CFAP53: variants seen among roughly 807,000 people sequenced by gnomAD.
CFAP53 encodes cilia- and flagella-associated protein 53.
In CFAP53, 62 loss-of-function variants were observed where a neutral mutation model predicts 59.7. The ratio of observed to expected loss-of-function variants is 1.04; its 90% CI spans 0.85 to 1.28. CFAP53 has a LOEUF of 1.28. Ranked by LOEUF, CFAP53 falls within the 50% of genes most tolerant of loss-of-function variation. The probability of loss-of-function intolerance (pLI) is 0.00; values close to 1 mark genes in which losing one functional copy is unlikely to be tolerated. For missense variants in CFAP53, 629 were observed against 615.6 expected (o/e 1.02, Z -0.23); for synonymous variants, 218 against 205.7 (o/e 1.06, Z -0.51).
chr18:50,246,046 T>C (rs2033741002), intron 5 of CFAP53, among the ~76,000 whole-genome samples: 1 of 151,972 alleles, frequency 6.6e-6, no homozygotes, highest in African/African-American at 2.4e-5. Context: ...TGGGCCACCA[T>C]GCCTGGCTAA....
rs144778600 is a variant in CFAP53 at position 50,239,128 on chromosome 18, C to T, written c.1214-423G>A. Among the ~76,000 whole-genome samples, 848 of 150,792 alleles carry T rather than the reference C, an allele frequency of 5.6e-3. 9 individuals are homozygous for T. Among genetic ancestry groups the T allele is most frequent in the African/African-American group, 0.02 (814 of 41,234 alleles). On this transcript the variant is annotated intron_variant, in intron 6 of 7. Coordinates refer to ENST00000398545, the MANE Select transcript of CFAP53 (RefSeq NM_145020.5). ...CTTGGCTGGGCACAATGCCTCATGC[C>T]GGTAATCCCAGCATTTTGGGAGGCT...
rs368749163 is a variant in CFAP53 at position 50,227,518 on chromosome 18, G to C, written c.1408C>G (p.Arg470Gly). 1.2e-6 allele frequency: 2 copies of C among 1,614,016 alleles called. No individual in the cohort carries two copies. Among genetic ancestry groups the C allele is most frequent in the East Asian group, 4.5e-5 (2 of 44,890 alleles). ...GCTACACCTGCTTCAAACTCTCGGC[G>C]TTTCTCTTCCTTCTCTGCTTCTTGG... is the stretch of plus-strand genomic sequence containing the variant. ...QSQEAEKEEK[R>G]REFEAGVAAN... The change falls in exon 8 of 8, where the codon CGC (arginine) becomes GGC (glycine). Residue 470 changes from arginine to glycine, a missense_variant. Coordinates refer to ENST00000398545, the MANE Select transcript of CFAP53 (RefSeq NM_145020.5).
intron 3 of CFAP53, among the ~76,000 whole-genome samples, chr18:50,257,799 G>A (rs1208109076): frequency 6.6e-6 from 1 of 152,190 alleles, no homozygotes; most frequent in African/African-American, 2.4e-5. Context: ...GGAGGCCAAG[G>A]TGGGTGGATC....
intron 3 of CFAP53, among the ~76,000 whole-genome samples, chr18:50,257,303 T>C (rs557244454): frequency 1.3e-5 from 2 of 152,270 alleles, no homozygotes; most frequent in South Asian, 2.1e-4. Context: ...ATAATGGGCA[T>C]CCAAATTTCA....
Position 50,250,236 on chromosome 18 carries a change from AAGAGAG to A in CFAP53, c.996+516_996+521del, listed in dbSNP as rs1260861364. 5.9e-4 allele frequency among the ~76,000 whole-genome samples: 54 copies of A among 92,214 alleles called. 1 individual carries two copies. The highest frequency in any genetic ancestry group is 1.1e-3 in the South Asian group (3 of 2,702). The allele number at this position is 92,214 out of a possible 152,430, so 60.5% of individuals were successfully genotyped here. ...CCCTGTCTCAAAAAAAAAAAAAAAA[AAGAGAG>A]AGAGAGAGAGAAGTTTAATTAAAAA... On this transcript the variant is annotated intron_variant, in intron 5 of 7. Transcript: ENST00000398545.
chr18:50,247,995 C>T (rs933815052), intron 5 of CFAP53, among the ~76,000 whole-genome samples: 1 of 151,898 alleles, frequency 6.6e-6, no homozygotes, highest in African/African-American at 2.4e-5. Flanking sequence ...AAAAACTCAA[C>T]AGGAAAAAGA....
intron 7 of CFAP53, among the ~76,000 whole-genome samples, chr18:50,228,974 C>T (rs1202200943): frequency 6.6e-6 from 1 of 151,886 alleles, no homozygotes; most frequent in Non-Finnish European, 1.5e-5. Context: ...GTGGCATGTG[C>T]CTGTGGTCCC....
chr18:50,235,947 G>A (rs1430346908), intron 7 of CFAP53, among the ~76,000 whole-genome samples: 1 of 152,190 alleles, frequency 6.6e-6, no homozygotes, highest in Non-Finnish European at 1.5e-5. Context: ...TGCTCTGTTG[G>A]GGGAAATGTA....
At chr18:50,241,592 G>A (rs1269657439) in intron 6 of CFAP53, among the ~76,000 whole-genome samples, 1 of 152,104 alleles carries the variant, frequency 6.6e-6, no homozygotes, top group Non-Finnish European at 1.5e-5. Flanking sequence ...AGTACAAAGA[G>A]AGAAATTTTA....
In CFAP53 at chr18:50,251,766, G is replaced by A; in HGVS notation, c.492C>T (p.Leu164=). 1 of 1,613,736 alleles carries A rather than the reference G, an allele frequency of 6.2e-7. No homozygotes were observed. Among genetic ancestry groups the A allele is most frequent in the South Asian group, 1.1e-5 (1 of 91,038 alleles). Residue 164 remains leucine, a synonymous_variant, in exon 4 of 8, where the codon CTC becomes CTT. Transcript: ENST00000398545. ...GATGGATAGATAACAATTCAACACG[G>A]AGCTCCTCACAGCGTTCCCTGAAAG... ...DQQFRERCEE[L]RVELLSIHQK...
At chr18:50,239,760 T>G (rs2033670841) in intron 6 of CFAP53, among the ~76,000 whole-genome samples, 1 of 152,164 alleles carries the variant, frequency 6.6e-6, no homozygotes, top group Non-Finnish European at 1.5e-5. Context: ...TAAAACAGTA[T>G]ATACTACATG....
intron 5 of CFAP53, among the ~76,000 whole-genome samples, chr18:50,243,793 T>C (rs1029222451): frequency 2.6e-5 from 4 of 151,784 alleles, no homozygotes; most frequent in South Asian, 2.1e-4. Flanking sequence ...CTACTAAAAA[T>C]ACAAAAAAAT....
At chr18:50,249,500 A>T (rs143118435) in intron 5 of CFAP53, among the ~76,000 whole-genome samples, 1 of 151,918 alleles carries the variant, frequency 6.6e-6, no homozygotes, top group East Asian at 1.9e-4. Context: ...CCTGAGTGAC[A>T]GGGCAAGACT....
At chr18:50,233,696 A>G (rs2033603876) in intron 7 of CFAP53, among the ~76,000 whole-genome samples, 2 of 152,228 alleles carry the variant, frequency 1.3e-5, no homozygotes, top group Non-Finnish European at 2.9e-5. Context: ...GGAGCCAGGC[A>G]CTTACTCCTC....
chr18:50,266,489 G>C lies in CFAP53; in HGVS notation c.-85C>G, dbSNP rs547732125. On this transcript the variant is annotated 5_prime_UTR_variant, in exon 1 of 8. Transcript: ENST00000398545. ...CTGCGGGACCCGCTTCCGCGACGCAGAAGTCTGGTTGCCATGGTGCGCCTC... is the reference window on the plus strand; with the variant it reads ...CTGCGGGACCCGCTTCCGCGACGCACAAGTCTGGTTGCCATGGTGCGCCTC... The C allele has an allele frequency of 5.0e-6, 7 of 1,386,492 alleles. No individual in the cohort carries two copies. In the East Asian group the frequency reaches 1.6e-4, roughly 32 times the overall value. 85.9% of individuals were successfully genotyped at this position (1,386,492 alleles called of 1,614,324 possible).
intron 1 of CFAP53, among the ~76,000 whole-genome samples, chr18:50,264,905 T>G (rs1257067497): frequency 1.3e-5 from 2 of 152,218 alleles, no homozygotes; most frequent in Non-Finnish European, 2.9e-5. Flanking sequence ...ATTATCACCT[T>G]GAACCCTACA....
intron 2 of CFAP53, 36 bp from the exon 3 acceptor site, chr18:50,261,273 A>G: frequency 6.9e-7 from 1 of 1,451,078 alleles, no homozygotes; most frequent in Non-Finnish European, 9.1e-7. Context: ...AAAAAAAAAG[A>G]AAACTGTCAT....
chr18:50,259,584 C>T (rs1357430756), intron 3 of CFAP53, among the ~76,000 whole-genome samples: 1 of 151,806 alleles, frequency 6.6e-6, no homozygotes, highest in Non-Finnish European at 1.5e-5. Flanking sequence ...CAGGCGTGTG[C>T]CACCATGCCC....
chr18:50,239,349 G>A lies in CFAP53; in HGVS notation c.1214-644C>T, dbSNP rs750957056. Reference sequence around the variant, plus strand: ...AGCCTGGGCAACAGAGTGAGACGCCGTCTCAATAAATAAATAAATAAATAA... The same window carrying A: ...AGCCTGGGCAACAGAGTGAGACGCCATCTCAATAAATAAATAAATAAATAA... On this transcript the variant is annotated intron_variant, in intron 6 of 7. Transcript: ENST00000398545. Among the ~76,000 whole-genome samples the A allele has an allele frequency of 1.9e-4, 29 of 151,020 alleles. No individual in the cohort carries two copies. In the Middle Eastern group the frequency reaches 0.01, roughly 54 times the overall value.
Sources: gnomAD v4.1 joint callset for allele counts (sites outside exome capture counted in the v4.1 genomes callset) on GRCh38, gnomAD v4.1.1 for gene constraint, MANE v1.5 for transcripts, NCBI Gene and HGNC (gene_info 2026-07-23, HGNC 2026-07-21) for gene names.